RABGEF1: variants seen among roughly 807,000 people sequenced by gnomAD.
RABGEF1 encodes RAB guanine nucleotide exchange factor 1, also known as rab5 GDP/GTP exchange factor.
In RABGEF1, 26 loss-of-function variants were observed where a neutral mutation model predicts 57.3. That is an observed-to-expected ratio of 0.45 (90% CI 0.33 to 0.63). The LOEUF (loss-of-function observed/expected upper bound fraction) is 0.63. RABGEF1 is among the 20% of genes least tolerant of loss of function. RABGEF1 has a pLI of 0.02. For missense variants in RABGEF1, 464 were observed against 607.6 expected (o/e 0.76, Z 2.48); for synonymous variants, 185 against 210.7 (o/e 0.88, Z 1.06).
intron 1 of RABGEF1, among the ~76,000 whole-genome samples, chr7:66,764,200 G>A (rs537010135): frequency 7.2e-5 from 11 of 152,204 alleles, no homozygotes; most frequent in East Asian, 5.8e-4. Flanking sequence ...TTGTGGTTTC[G>A]TTTTGCACTT....
chr7:66,788,422 C>G (rs1022373881), intron 4 of RABGEF1, among the ~76,000 whole-genome samples: 3 of 151,690 alleles, frequency 2.0e-5, no homozygotes, highest in African/African-American at 7.3e-5. Context: ...CCAGCCTGGG[C>G]AACAGAGCAA....
At chr7:66,665,289 TG>T in the RABGEF1 span, 5 of 150,000 alleles carry the variant, frequency 3.3e-5, no homozygotes, top group Non-Finnish European at 7.4e-5. Flanking sequence ...GGACTACAGG[TG>T]CACACCACTA....
intron 1 of RABGEF1, among the ~76,000 whole-genome samples, chr7:66,696,198 T>C (rs1792308024): frequency 6.6e-6 from 1 of 152,084 alleles, no homozygotes; most frequent in African/African-American, 2.4e-5. Context: ...CCCAAGTAGC[T>C]GGGATTACAA....
chr7:66,771,882 G>C lies in RABGEF1; in HGVS notation c.-17-1G>C. 2.1e-6 allele frequency: 3 copies of C among 1,462,306 alleles called. No individual in the cohort carries two copies. The highest frequency in any genetic ancestry group is 2.6e-5 in the East Asian group (1 of 38,378). The allele number at this position is 1,462,306 out of a possible 1,614,324, so 90.6% of individuals were successfully genotyped here. On this transcript the variant is annotated splice_acceptor_variant, in intron 1 of 8. Coordinates refer to ENST00000284957, the MANE Select transcript of RABGEF1 (RefSeq NM_014504.3). LOFTEE classifies it low-confidence loss of function (5UTR_SPLICE). ...TCAACAGCACTTTCTTGTTTGTTCA[G>C]TGGTTAGCAGGAAGAAGATGAGCCT...
chr7:66,670,718 C>T, the RABGEF1 span, among the ~76,000 whole-genome samples: 4 of 151,728 alleles, frequency 2.6e-5, no homozygotes, highest in Admixed American at 2.0e-4. Context: ...TGGTGGCTCG[C>T]GCCTGTAATC....
intron 1 of RABGEF1, among the ~76,000 whole-genome samples, chr7:66,769,972 C>T (rs1407792850): frequency 6.6e-6 from 1 of 152,214 alleles, no homozygotes; most frequent in Non-Finnish European, 1.5e-5. Context: ...CCTTTCAACA[C>T]AAGGCTCTTT....
chr7:66,677,400 CT>C (rs774230547), upstream of RABGEF1, among the ~76,000 whole-genome samples: 1 of 152,048 alleles, frequency 6.6e-6, no homozygotes, highest in Non-Finnish European at 1.5e-5. Flanking sequence ...AGTGAGACCC[CT>C]ATCTCTATAA....
chr7:66,745,075 TCA>T (rs1325555644), intron 1 of RABGEF1, among the ~76,000 whole-genome samples: 1 of 151,180 alleles, frequency 6.6e-6, no homozygotes, highest in Non-Finnish European at 1.5e-5. Context: ...GCCTGTAGTC[TCA>T]GTTACTCAGG....
chr7:66,775,072 A>G (rs1808205438), intron 2 of RABGEF1, among the ~76,000 whole-genome samples, 155 bp from the exon 3 acceptor site: 1 of 152,238 alleles, frequency 6.6e-6, no homozygotes, highest in Non-Finnish European at 1.5e-5. Context: ...AGAGCCGTCC[A>G]TCCTGTAGCA....
At chr7:66,721,375 C>T (rs927357932) in intron 2 of RABGEF1, among the ~76,000 whole-genome samples, 24 of 152,142 alleles carry the variant, frequency 1.6e-4, no homozygotes, top group Non-Finnish European at 2.9e-5. Flanking sequence ...GTCAGAAGTC[C>T]AAAGTCAGTC....
intron 1 of RABGEF1, among the ~76,000 whole-genome samples, chr7:66,758,504 G>A (rs1406396625): frequency 6.6e-6 from 1 of 152,224 alleles, no homozygotes; most frequent in Non-Finnish European, 1.5e-5. Context: ...GCTCCAACAG[G>A]AGCGATGTGT....
chr7:66,706,321 C>G (rs148545913), intron 1 of RABGEF1, among the ~76,000 whole-genome samples: 53 of 152,212 alleles, frequency 3.5e-4, no homozygotes, highest in Admixed American at 1.4e-3. Context: ...TTTCATTTCT[C>G]TTATGCGATA....
intron 4 of RABGEF1, among the ~76,000 whole-genome samples, chr7:66,790,067 A>G (rs1812263617): frequency 6.6e-6 from 1 of 152,242 alleles, no homozygotes; most frequent in Non-Finnish European, 1.5e-5. Context: ...GATACTGAGG[A>G]CTTGCAGCAG....
At chr7:66,770,030 T>G (rs1439815199) in intron 1 of RABGEF1, among the ~76,000 whole-genome samples, 1 of 152,198 alleles carries the variant, frequency 6.6e-6, no homozygotes, top group Non-Finnish European at 1.5e-5. Flanking sequence ...ACTCCGTAAG[T>G]GAGAATTCCT....
intron 4 of RABGEF1, among the ~76,000 whole-genome samples, chr7:66,785,304 T>C (rs1306375348): frequency 6.6e-6 from 1 of 152,228 alleles, no homozygotes; most frequent in East Asian, 1.9e-4. Flanking sequence ...ATTTTCCATT[T>C]CTACACTATG....
rs1234867127 is a variant in RABGEF1, at chr7:66,774,684, C to T, written c.180-543C>T. Among the ~76,000 whole-genome samples the T allele has an allele frequency of 6.6e-5, 10 of 152,212 alleles. No homozygotes were observed. The East Asian group carries it at 1.4e-3, about 21-fold the overall frequency. On this transcript the variant is annotated intron_variant, in intron 2 of 8. Coordinates refer to ENST00000284957, the MANE Select transcript of RABGEF1 (RefSeq NM_014504.3). ...CTGAGGGATGAGAATTGCTTGAACT[C>T]GGGAGGCAGAGGTTGTAGTGAGCTG... is the stretch of plus-strand genomic sequence containing the variant.
chr7:66,671,666 G>C, the RABGEF1 span, among the ~76,000 whole-genome samples: 1 of 152,122 alleles, frequency 6.6e-6, no homozygotes, highest in South Asian at 2.1e-4. Context: ...TCAACAACAG[G>C]AAAATAGCAG....
Position 66,767,059 on chromosome 7 carries a change from A to G in RABGEF1, c.-17-4824A>G, listed in dbSNP as rs550834729. 5.0e-4 allele frequency among the ~76,000 whole-genome samples: 73 copies of G among 144,982 alleles called. No homozygotes were observed. The South Asian group carries it at 0.014, about 28-fold the overall frequency. ...CCTCTGTTGCCCAGGCTGGAGTGCA[A>G]TGGCATGATCTTGGCTCACTGCAAC... is the stretch of plus-strand genomic sequence containing the variant. On this transcript the variant is annotated intron_variant, in intron 1 of 8. Transcript: ENST00000284957.
At chr7:66,808,234 C>T (rs35279320) in intron 8 of RABGEF1, among the ~76,000 whole-genome samples, 5,904 of 148,232 alleles carry the variant, frequency 0.04, 164 homozygotes, top group East Asian at 0.086. Flanking sequence ...TTTTTTTTTC[C>T]TGAGACAGTC....
Sources: gnomAD v4.1 joint callset for allele counts (sites outside exome capture counted in the v4.1 genomes callset) on GRCh38, gnomAD v4.1.1 for gene constraint, MANE v1.5 for transcripts, NCBI Gene and HGNC (gene_info 2026-07-23, HGNC 2026-07-21) for gene names.